Variants in DLGAP1 observed in about 807,000 individuals in gnomAD.
The protein encoded by DLGAP1 is disks large-associated protein 1.
A neutral mutation model predicts 90.8 loss-of-function variants in DLGAP1; 11 were observed. That is an observed-to-expected ratio of 0.12 (90% CI 0.08 to 0.20). The LOEUF (loss-of-function observed/expected upper bound fraction) is 0.20. Among genes scored for constraint, DLGAP1 ranks in the 10% least tolerant of loss-of-function variants. The pLI is 1.00. For missense variants in DLGAP1, 1,050 were observed against 1,333.8 expected (o/e 0.79, Z 3.31); for synonymous variants, 558 against 540.7 (o/e 1.03, Z -0.44).
At chr18:4,230,889 T>C (rs2078285543) in intron 1 of DLGAP1, among the ~76,000 whole-genome samples, 1 of 151,678 alleles carries the variant, frequency 6.6e-6, no homozygotes, top group African/African-American at 2.4e-5. Context: ...ATGCCATAAA[T>C]AGATACACCT....
intron 9 of DLGAP1, among the ~76,000 whole-genome samples, chr18:3,559,982 T>A (rs993952780): frequency 1.5e-4 from 23 of 152,130 alleles, no homozygotes; most frequent in African/African-American, 5.6e-4. Flanking sequence ...TTGTAATAAT[T>A]AATAATTTCC....
In DLGAP1 at chr18:3,667,723, C is replaced by T. The variant is rs78497447; in HGVS notation, c.1591+61412G>A. On this transcript the variant is annotated intron_variant, in intron 7 of 12. Transcript: ENST00000315677. Reference sequence around the variant, plus strand: ...TGGACCTCTGAGAATATGCTGGGGCCTGAGAGGGTCCATTCTTGTCCACAC... The same window carrying T: ...TGGACCTCTGAGAATATGCTGGGGCTTGAGAGGGTCCATTCTTGTCCACAC... 3.2e-4 allele frequency among the ~76,000 whole-genome samples: 48 copies of T among 152,254 alleles called. No individual in the cohort carries two copies. In the East Asian group the frequency reaches 7.1e-3, roughly 23 times the overall value.
At chr18:4,299,104 A>AC (rs776441314) in intron 1 of DLGAP1, among the ~76,000 whole-genome samples, 1,614 of 131,700 alleles carry the variant, frequency 0.012, 50 homozygotes, top group South Asian at 0.027. Context: ...AAAAAAAAAA[A>AC]AAAAAATAGA....
At chr18:4,292,611 G>A (rs1255025381) in intron 1 of DLGAP1, among the ~76,000 whole-genome samples, 1 of 151,964 alleles carries the variant, frequency 6.6e-6, no homozygotes, top group African/African-American at 2.4e-5. Context: ...CTTTAATTAT[G>A]TCTTTGAAAT....
rs1337599770 is a variant in DLGAP1, at chr18:4,342,690, G to T, written c.-267+112316C>A. ...ATACTACATTTGCCACAAATCTGCAGATGTATGTTGAAAGATTTGACATAT... is the reference window on the plus strand; with the variant it reads ...ATACTACATTTGCCACAAATCTGCATATGTATGTTGAAAGATTTGACATAT... On this transcript the variant is annotated intron_variant, in intron 1 of 12. Transcript: ENST00000315677. The surrounding 1 kb of genome is among the most constrained non-coding windows in gnomAD (Gnocchi z 5.8). 6.6e-6 allele frequency among the ~76,000 whole-genome samples: 1 copy of T among 152,168 alleles called. No homozygotes were observed. Among genetic ancestry groups the T allele is most frequent in the Non-Finnish European group, 1.5e-5 (1 of 68,020 alleles).
intron 2 of DLGAP1, among the ~76,000 whole-genome samples, chr18:4,065,499 A>C (rs181056640): frequency 1.1e-3 from 172 of 152,282 alleles, no homozygotes; most frequent in African/African-American, 3.9e-3. Flanking sequence ...TTAATGTGCA[A>C]AAATCACTAG....
At chr18:3,787,651 A>G (rs1451780776) in intron 5 of DLGAP1, among the ~76,000 whole-genome samples, 1 of 152,120 alleles carries the variant, frequency 6.6e-6, no homozygotes, top group Non-Finnish European at 1.5e-5. Context: ...TCCTCTTGGC[A>G]GTTTTACCTC....
intron 3 of DLGAP1, among the ~76,000 whole-genome samples, chr18:3,880,458 G>GT (rs1375272025): frequency 1.3e-5 from 2 of 152,076 alleles, no homozygotes; most frequent in Non-Finnish European, 2.9e-5. Context: ...GATTACAGGC[G>GT]TGAGCAACCC....
intron 1 of DLGAP1, among the ~76,000 whole-genome samples, chr18:4,369,815 TAAA>T (rs11387946): frequency 0.013 from 988 of 74,622 alleles, 9 homozygotes; most frequent in Middle Eastern, 0.033. Flanking sequence ...AAAGTCTTAG[TAAA>T]AAAAAAAAAA....
chr18:3,674,296 A>AAAAAAAAAAAAATATATATATATATATAT (rs755076240), intron 7 of DLGAP1, among the ~76,000 whole-genome samples: 9 of 128,986 alleles, frequency 7.0e-5, no homozygotes, highest in African/African-American at 2.9e-4. Context: ...ATAATATTAA[A>AAAAAAAAAAAAATATATATATATATATAT]ATATATATAT....
At chr18:4,312,661 C>A (rs1368539841) in intron 1 of DLGAP1, among the ~76,000 whole-genome samples, 1 of 152,130 alleles carries the variant, frequency 6.6e-6, no homozygotes, top group Non-Finnish European at 1.5e-5. Context: ...CTGACTAAAA[C>A]TATTAAACAT....
intron 7 of DLGAP1, among the ~76,000 whole-genome samples, chr18:3,583,108 A>C: frequency 6.7e-6 from 1 of 150,262 alleles, no homozygotes; most frequent in African/African-American, 2.4e-5. Flanking sequence ...GGGCCCGGCC[A>C]CTTCCCACCT....
At position 3,611,401 on chromosome 18, in the gene DLGAP1, A is replaced by G. The variant is rs559949287; in HGVS notation, c.1592-29153T>C. ...GTGCAAAGTTGCAGCTTGCTCATTC[A>G]ACCCAGTCCTGACCGGCTCTACCAC... On this transcript the variant is annotated intron_variant, in intron 7 of 12. Coordinates refer to ENST00000315677, the MANE Select transcript of DLGAP1 (RefSeq NM_004746.4). 5.3e-5 allele frequency among the ~76,000 whole-genome samples: 8 copies of G among 152,086 alleles called. No individual in the cohort carries two copies. In the South Asian group the frequency reaches 1.7e-3, roughly 32 times the overall value.
intron 1 of DLGAP1, among the ~76,000 whole-genome samples, chr18:4,366,491 C>T (rs2081769828): frequency 6.6e-6 from 1 of 151,976 alleles, no homozygotes; most frequent in African/African-American, 2.4e-5. Flanking sequence ...ATCTTAGACA[C>T]TATCATGATC....
chr18:4,140,032 T>C (rs1484897109), intron 2 of DLGAP1, among the ~76,000 whole-genome samples: 1 of 151,936 alleles, frequency 6.6e-6, no homozygotes, highest in African/African-American at 2.4e-5. Flanking sequence ...AGGCAACAGA[T>C]AATGGGTCTT....
intron 5 of DLGAP1, among the ~76,000 whole-genome samples, chr18:3,752,028 T>C (rs1426341786): frequency 2.0e-5 from 3 of 150,092 alleles, no homozygotes; most frequent in African/African-American, 7.4e-5. Flanking sequence ...GGATTACAAG[T>C]ATGTGCCACC....
At chr18:3,905,011 T>C (rs976869786) in intron 3 of DLGAP1, among the ~76,000 whole-genome samples, 1 of 151,466 alleles carries the variant, frequency 6.6e-6, no homozygotes, top group Non-Finnish European at 1.5e-5. Context: ...TTTTAATATC[T>C]ATTCCATTTT....
intron 4 of DLGAP1, among the ~76,000 whole-genome samples, chr18:3,854,436 A>T (rs543822205): frequency 3.9e-5 from 6 of 152,340 alleles, no homozygotes; most frequent in African/African-American, 1.4e-4. Flanking sequence ...TGTTTTGAAA[A>T]CATTCTTTTT....
chr18:3,572,055 G>C lies in DLGAP1; in HGVS notation c.1966-4474C>G, dbSNP rs2054821827. Among the ~76,000 whole-genome samples the C allele has an allele frequency of 2.1e-5, 3 of 145,774 alleles. No homozygotes were observed. In the Admixed American group the frequency reaches 2.1e-4, roughly 10 times the overall value. ...GTTGCTGAATTCTAATGGATTTTCA[G>C]TGGTTTCTTCTAGGTTTTTTTTTTT... On this transcript the variant is annotated intron_variant, in intron 8 of 12. Transcript: ENST00000315677.
Sources: gnomAD v4.1 joint callset for allele counts (sites outside exome capture counted in the v4.1 genomes callset) on GRCh38, gnomAD v4.1.1 for gene constraint, Gnocchi (gnomAD v3.1) non-coding constraint, MANE v1.5 for transcripts, NCBI Gene and HGNC (gene_info 2026-07-23, HGNC 2026-07-21) for gene names.